Variants in MAD1L1 observed in about 807,000 individuals in gnomAD.
MAD1L1 encodes mitotic spindle assembly checkpoint protein MAD1.
In MAD1L1, 95 loss-of-function variants were observed where a neutral mutation model predicts 96.9. The ratio of observed to expected loss-of-function variants is 0.98; its 90% confidence interval spans 0.83 to 1.16. The LOEUF is 1.16. MAD1L1 is among the 50% of genes most tolerant of loss of function. MAD1L1 has a pLI of 0.00. For synonymous variants in MAD1L1, 473 were observed against 396.6 expected (o/e 1.19, Z -2.29); for missense variants, 1,007 against 954.4 (o/e 1.06, Z -0.73).
At chr7:2,066,177 A>T (rs1261097598) in intron 12 of MAD1L1, among the ~76,000 whole-genome samples, 1 of 152,222 alleles carries the variant, frequency 6.6e-6, no homozygotes, top group Non-Finnish European at 1.5e-5. Flanking sequence ...GAGAGCCTCC[A>T]ATGGGAAGCA....
intron 11 of MAD1L1, among the ~76,000 whole-genome samples, chr7:2,079,290 G>T (rs917109269): frequency 6.6e-6 from 1 of 152,172 alleles, no homozygotes; most frequent in Non-Finnish European, 1.5e-5. Context: ...AGCGTGGCAC[G>T]CAGCTGTTGT....
intron 13 of MAD1L1, among the ~76,000 whole-genome samples, chr7:2,003,858 G>C (rs190929095): frequency 7.1e-4 from 108 of 152,294 alleles, no homozygotes; most frequent in African/African-American, 2.5e-3. Context: ...AGGCCTAGGA[G>C]CAGCACACTG....
At chr7:1,839,728 A>G (rs1783140092) in intron 18 of MAD1L1, among the ~76,000 whole-genome samples, 1 of 152,126 alleles carries the variant, frequency 6.6e-6, no homozygotes, top group Non-Finnish European at 1.5e-5. Context: ...CCCTTCAGTT[A>G]GAACATCCCC....
At chr7:2,030,846 C>T (rs1783195592) in intron 12 of MAD1L1, among the ~76,000 whole-genome samples, 1 of 152,218 alleles carries the variant, frequency 6.6e-6, no homozygotes, top group African/African-American at 2.4e-5. Context: ...GCGCCTGGTG[C>T]TCTCGGCCAA....
chr7:2,164,604 G>T (rs1048296140), intron 10 of MAD1L1, among the ~76,000 whole-genome samples: 1 of 145,840 alleles, frequency 6.9e-6, no homozygotes, highest in African/African-American at 2.6e-5. Flanking sequence ...GGGGGGGGGG[G>T]GGGTTGCGGG....
At chr7:1,983,464 T>C (rs1489780554) in intron 14 of MAD1L1, among the ~76,000 whole-genome samples, 1 of 152,246 alleles carries the variant, frequency 6.6e-6, no homozygotes, top group Non-Finnish European at 1.5e-5. Flanking sequence ...TTGGGATTGA[T>C]AGGTAACATT....
chr7:2,025,085 C>A (rs568290327), intron 12 of MAD1L1, among the ~76,000 whole-genome samples: 1 of 152,130 alleles, frequency 6.6e-6, no homozygotes, highest in Non-Finnish European at 1.5e-5. Context: ...AACAAATATA[C>A]CACAGTAATG....
At chr7:1,842,944 C>T (rs982965026) in intron 18 of MAD1L1, among the ~76,000 whole-genome samples, 6 of 152,232 alleles carry the variant, frequency 3.9e-5, no homozygotes, top group East Asian at 1.9e-4. Flanking sequence ...GGGGTGAGTC[C>T]GAGGCCGGGC....
chr7:1,929,058 A>T (rs962322527), intron 17 of MAD1L1, among the ~76,000 whole-genome samples: 1 of 152,138 alleles, frequency 6.6e-6, no homozygotes, highest in Non-Finnish European at 1.5e-5. Context: ...AGGGACACCA[A>T]ACCAGGCCTC....
At chr7:2,102,223 T>C (rs558179248) in intron 11 of MAD1L1, among the ~76,000 whole-genome samples, 2 of 143,648 alleles carry the variant, frequency 1.4e-5, no homozygotes, top group African/African-American at 2.6e-5. Context: ...ACCGCCACCG[T>C]CGCCACCGCC....
At chr7:2,038,356 A>G (rs1022621388) in intron 12 of MAD1L1, among the ~76,000 whole-genome samples, 1 of 152,154 alleles carries the variant, frequency 6.6e-6, no homozygotes, top group Non-Finnish European at 1.5e-5. Context: ...CACACTAAAC[A>G]CCAGATTTGC....
chr7:1,945,389 T>G (rs1261938057), intron 16 of MAD1L1, among the ~76,000 whole-genome samples: 1 of 152,224 alleles, frequency 6.6e-6, no homozygotes, highest in African/African-American at 2.4e-5. Context: ...TACACTCGGA[T>G]GTGCTCCTGG....
intron 11 of MAD1L1, among the ~76,000 whole-genome samples, chr7:2,136,415 G>A (rs1465806244): frequency 6.6e-6 from 1 of 152,234 alleles, no homozygotes; most frequent in Non-Finnish European, 1.5e-5. Context: ...TGCCAGGGCA[G>A]GGGGACACGT....
At chr7:2,188,444 T>C (rs1263953812) in intron 10 of MAD1L1, among the ~76,000 whole-genome samples, 1 of 152,222 alleles carries the variant, frequency 6.6e-6, no homozygotes, top group Non-Finnish European at 1.5e-5. Context: ...CAAAACTTAC[T>C]ACAAAGCCAC....
At chr7:1,830,270 C>G (rs1447903958) in intron 18 of MAD1L1, among the ~76,000 whole-genome samples, 48 of 152,190 alleles carry the variant, frequency 3.2e-4, no homozygotes, top group Non-Finnish European at 6.0e-4. Flanking sequence ...AGTGGCACAT[C>G]CCTGTAATCC....
rs187043124 is a variant in MAD1L1 at position 2,124,045 on chromosome 7, A to G, written c.1073+25107T>C. Among the ~76,000 whole-genome samples, 502 of 152,242 alleles carry G rather than the reference A, an allele frequency of 3.3e-3. 1 individual carries two copies. Among genetic ancestry groups the G allele is most frequent in the Non-Finnish European group, 5.7e-3 (385 of 67,998 alleles). ...TAGCCAGGTCAGGCTCCTCCTCTAG[A>G]CGGGGAAGCCGGGCAAACACCTCCA... On this transcript the variant is annotated intron_variant, in intron 11 of 18. Coordinates refer to ENST00000265854, the MANE Select transcript of MAD1L1 (RefSeq NM_001013836.2).
chr7:2,218,818 G>A (rs2115000682), intron 6 of MAD1L1, among the ~76,000 whole-genome samples: 1 of 152,116 alleles, frequency 6.6e-6, no homozygotes, highest in East Asian at 1.9e-4. Context: ...GAGAATCACT[G>A]AACCCAGGAG....
At chr7:1,860,361 C>T (rs1160401014) in intron 18 of MAD1L1, among the ~76,000 whole-genome samples, 2 of 74,930 alleles carry the variant, frequency 2.7e-5, no homozygotes, top group African/African-American at 8.2e-5. Flanking sequence ...GCGGGGCGGC[C>T]TCTGTGTCCC....
chr7:1,996,475 G>A (rs1223928646), intron 14 of MAD1L1, among the ~76,000 whole-genome samples: 1 of 152,230 alleles, frequency 6.6e-6, no homozygotes, highest in Non-Finnish European at 1.5e-5. Context: ...GGAGACCCCA[G>A]AGAGCCTAGA....
Sources: gnomAD v4.1 joint callset for allele counts (sites outside exome capture counted in the v4.1 genomes callset) on GRCh38, gnomAD v4.1.1 for gene constraint, MANE v1.5 for transcripts, NCBI Gene and HGNC (gene_info 2026-07-23, HGNC 2026-07-21) for gene names.